Variants in SLCO4A1 observed in about 807,000 individuals in gnomAD.
The protein encoded by SLCO4A1 is colon organic anion transporter.
SLCO4A1 carries 51 observed loss-of-function variants against 64.6 expected under a neutral mutation model. The ratio of observed to expected loss-of-function variants is 0.79; its 90% CI spans 0.63 to 1.00. SLCO4A1 has a LOEUF of 1.00. Ranked by LOEUF, SLCO4A1 falls within the 50% of genes least tolerant of loss-of-function variation. The pLI is 0.00. For synonymous variants in SLCO4A1, 471 were observed against 444.9 expected (o/e 1.06, Z -0.74); for missense variants, 919 against 980.5 (o/e 0.94, Z 0.84).
In SLCO4A1 at chr20:62,671,661, G is replaced by A. The variant is rs533312315; in HGVS notation, c.2026-89G>A. 137 of 1,255,296 alleles carry A rather than the reference G, an allele frequency of 1.1e-4. No homozygotes were observed. The African/African-American group carries it at 1.9e-3, about 17-fold the overall frequency. 77.8% of individuals were successfully genotyped at this position (1,255,296 alleles called of 1,614,324 possible). On this transcript the variant is annotated intron_variant, in intron 11 of 11. Coordinates refer to ENST00000217159, the MANE Select transcript of SLCO4A1 (RefSeq NM_016354.4). ...GACCTGGTGAGGGTGCTGCAGGCTG[G>A]GGCAGGGACAGGACTGGGACAGGCC...
At chr20:62,686,434 G>A (rs78987422), downstream of SLCO4A1, among the ~76,000 whole-genome samples, 4,337 of 152,126 alleles carry the variant, frequency 0.029, 107 homozygotes, top group East Asian at 0.13. Context: ...ATGCAACTCC[G>A]CTCCACCAAG....
chr20:62,670,274 G>A (rs1987034142), intron 11 of SLCO4A1: 1 of 152,232 alleles, frequency 6.6e-6, no homozygotes, highest in East Asian at 1.9e-4. Context: ...AAGCCCAAAG[G>A]CACATGAGCA....
chr20:62,668,849 T>C (rs1268184019), intron 10 of SLCO4A1, 81 bp from the exon 11 acceptor site: 6 of 1,413,642 alleles, frequency 4.2e-6, no homozygotes, highest in Non-Finnish European at 5.8e-6. Flanking sequence ...GAGCCCATCA[T>C]TCCAGGCCTC....
chr20:62,665,257 G>T (rs1284718029), intron 6 of SLCO4A1, 169 bp downstream of exon 6: 1 of 678,806 alleles, frequency 1.5e-6, no homozygotes, highest in Middle Eastern at 3.7e-4. Flanking sequence ...GAGCGACTCT[G>T]TCCACAGGCC....
downstream of SLCO4A1, among the ~76,000 whole-genome samples, chr20:62,689,675 A>T (rs977327767): frequency 1.3e-5 from 2 of 152,180 alleles, no homozygotes; most frequent in Non-Finnish European, 2.9e-5. Flanking sequence ...CGCCCTGGTC[A>T]TCTTAGACCC....
In SLCO4A1 at chr20:62,648,259, C is replaced by T. The variant is rs1030046933; in HGVS notation, c.-97+5706C>T. ...AGGGCAGCTGGCTCTCTAGATGCACCGGAGGGGCGGGGTGGTTTGCGTTTC... is the reference window on the plus strand; with the variant it reads ...AGGGCAGCTGGCTCTCTAGATGCACTGGAGGGGCGGGGTGGTTTGCGTTTC... On this transcript the variant is annotated intron_variant, in intron 1 of 11. Transcript: ENST00000217159. 4.6e-5 allele frequency among the ~76,000 whole-genome samples: 7 copies of T among 152,250 alleles called. No individual in the cohort carries two copies. In the East Asian group the frequency reaches 5.8e-4, roughly 13 times the overall value.
At position 62,661,023 on chromosome 20, in the gene SLCO4A1, G is replaced by GC; in HGVS notation, c.1010-36dup. Reference sequence around the variant, plus strand: ...CTCTCGGAGAAGTCCACCTCCGGGAGCCCCCAGCCCCCAGCCCCAGCTCAC... The same window carrying GC: ...CTCTCGGAGAAGTCCACCTCCGGGAGCCCCCCAGCCCCCAGCCCCAGCTCAC... On this transcript the variant is annotated intron_variant, in intron 4 of 11. Transcript: ENST00000217159. This position sits in a 1 kb window ranked among gnomAD's most constrained non-coding sequence, Gnocchi z 5.2. The GC allele has an allele frequency of 4.1e-6, 3 of 732,786 alleles. No individual in the cohort carries two copies. Among genetic ancestry groups the GC allele is most frequent in the Non-Finnish European group, 5.0e-6 (2 of 399,748 alleles). The allele number at this position is 732,786 out of a possible 1,614,324, so 45.4% of individuals were successfully genotyped here. A position where few individuals can be genotyped will look rare whatever the true frequency, so the allele number is the denominator to read the frequency against.
At chr20:62,655,171 G>C (rs1016607692) in intron 1 of SLCO4A1, among the ~76,000 whole-genome samples, 1 of 152,210 alleles carries the variant, frequency 6.6e-6, no homozygotes, top group African/African-American at 2.4e-5. Flanking sequence ...AGCACCTTGA[G>C]GTCTGCGAGA....
intron 9 of SLCO4A1, 21 bp from the exon 10 acceptor site, chr20:62,668,456 C>T (rs769956119): frequency 5.8e-5 from 94 of 1,613,080 alleles, no homozygotes; most frequent in Non-Finnish European, 7.4e-5. Flanking sequence ...TGGGTGCTGA[C>T]GCTGTGGTTT....
At chr20:62,650,050 C>CG (rs1569118355) in intron 1 of SLCO4A1, 1 of 152,232 alleles carries the variant, frequency 6.6e-6, no homozygotes, top group African/African-American at 2.4e-5. Context: ...CTGCCTTTTC[C>CG]GGGGGAAGCT....
intron 2 of SLCO4A1, among the ~76,000 whole-genome samples, chr20:62,683,284 C>T (rs570457782): frequency 2.0e-5 from 3 of 152,244 alleles, no homozygotes; most frequent in Admixed American, 1.3e-4. Context: ...CTCGGGCTCT[C>T]GGGAGCGGCC....
At position 62,666,252 on chromosome 20, in the gene SLCO4A1, A is replaced by G. The variant is rs562550870; in HGVS notation, c.1277-128A>G. ...CTCAGGTGTGGTGTTGAGTGCTGCC[A>G]TGCAGGCAGGAATTGATCCCTCTAT... On this transcript the variant is annotated intron_variant, in intron 6 of 11. Coordinates refer to ENST00000217159, the MANE Select transcript of SLCO4A1 (RefSeq NM_016354.4). 2.3e-4 allele frequency: 170 copies of G among 732,960 alleles called. 2 individuals are homozygous for G. Among genetic ancestry groups the G allele is most frequent in the South Asian group, 2.3e-3 (135 of 59,388 alleles). 45.4% of individuals were successfully genotyped at this position (732,960 alleles called of 1,614,324 possible). A position where few individuals can be genotyped will look rare whatever the true frequency, so the allele number is the denominator to read the frequency against.
At chr20:62,668,205 CG>C (rs762447738) in intron 9 of SLCO4A1, 21 bp downstream of exon 9, 3 of 1,613,108 alleles carry the variant, frequency 1.9e-6, no homozygotes, top group Non-Finnish European at 2.5e-6. Context: ...GTCGGGTGTG[CG>C]CTTGTCCAGA....
rs764775769 is a variant in SLCO4A1, at chr20:62,661,035, C to CAGCCCCT, written c.1010-23_1010-22insTAGCCCC. ...TCCACCTCCGGGAGCCCCCAGCCCC[C>CAGCCCCT]AGCCCCAGCTCACTCTGTGCCCTTC... On this transcript the variant is annotated intron_variant, in intron 4 of 11. Coordinates refer to ENST00000217159, the MANE Select transcript of SLCO4A1 (RefSeq NM_016354.4). The surrounding 1 kb of genome is among the most constrained non-coding windows in gnomAD (Gnocchi z 5.2). The CAGCCCCT allele has an allele frequency of 8.9e-7, 1 of 1,129,260 alleles. No individual in the cohort carries two copies. Among genetic ancestry groups the CAGCCCCT allele is most frequent in the South Asian group, 1.2e-5 (1 of 80,956 alleles). 70.0% of individuals were successfully genotyped at this position (1,129,260 alleles called of 1,614,324 possible).
chr20:62,656,715 C>T lies in SLCO4A1; in HGVS notation c.261C>T (p.Gly87=), dbSNP rs765626382. 7.4e-6 allele frequency: 12 copies of T among 1,610,760 alleles called. No individual in the cohort carries two copies. The highest frequency in any genetic ancestry group is 1.0e-5 in the Non-Finnish European group (12 of 1,179,004). ...CGGCCGGGCAGAGCGTGGCGTGCGG[C>T]TGGTGGGCCTTCGCACCGCCGTGCC... The part of the protein sequence containing the change: ...YVSAGQSVAC[G]WWAFAPPCLQ... Residue 87 remains glycine (G), a synonymous_variant, in exon 2 of 12, where the codon GGC becomes GGT. Coordinates refer to ENST00000217159, the MANE Select transcript of SLCO4A1 (RefSeq NM_016354.4).
Position 62,666,392 on chromosome 20 carries a change from T to C in SLCO4A1, c.1289T>C (p.Val430Ala). The change falls in exon 7 of 12, where the codon GTG becomes GCG. Residue 430 changes from valine (V) to alanine (A), a missense_variant. By Grantham distance (64) the Val-to-Ala change is moderately conservative. Transcript: ENST00000217159. ...TCCCTCTCCCCAGGGTACCTGGTGG[T>C]GCCAGCGGGTGGTGGCGGCACCTTC... ...EAATLFGYLV[V>A]PAGGGGTFLG... 6.2e-7 allele frequency: 1 copy of C among 1,612,750 alleles called. No homozygotes were observed.
At chr20:62,667,338 T>TG (rs1371237097) in intron 7 of SLCO4A1, 1 of 204,794 alleles carries the variant, frequency 4.9e-6, no homozygotes, top group Non-Finnish European at 1.0e-5. Flanking sequence ...CCCCTGCAAA[T>TG]GCACAGCCGG....
chr20:62,671,993 C>T lies in SLCO4A1; in HGVS notation c.*100C>T. The T allele has an allele frequency of 6.3e-7, 1 of 1,595,562 alleles. No homozygotes were observed. ...CAATCACACGGGAACTTCTATTTGA[C>T]CTGCAACCTTCTACTTAACCTGTGG... On this transcript the variant is annotated 3_prime_UTR_variant, in exon 12 of 12. Coordinates refer to ENST00000217159, the MANE Select transcript of SLCO4A1 (RefSeq NM_016354.4).
chr20:62,654,336 G>T (rs1201353690), intron 1 of SLCO4A1, among the ~76,000 whole-genome samples: 1 of 152,206 alleles, frequency 6.6e-6, no homozygotes, highest in Non-Finnish European at 1.5e-5. Context: ...TCCAAATAAG[G>T]TCATGCGCTC....
Sources: allele counts gnomAD v4.1 joint callset (sites outside exome capture counted in the v4.1 genomes callset), GRCh38; gene constraint gnomAD v4.1.1; non-coding constraint Gnocchi (gnomAD v3.1); transcripts MANE v1.5; gene names NCBI Gene and HGNC (gene_info 2026-07-23, HGNC 2026-07-21).